Variants in ACOX1 observed in about 807,000 individuals in gnomAD.
ACOX1 encodes peroxisomal acyl-coenzyme A oxidase 1.
In ACOX1, 41 loss-of-function variants were observed where a neutral mutation model predicts 75.5. That is an observed-to-expected ratio of 0.54 (90% CI 0.42 to 0.70). ACOX1 has a LOEUF of 0.70. ACOX1 is among the 30% of genes least tolerant of loss of function. The pLI is 0.00. For synonymous variants in ACOX1, 303 were observed against 298.8 expected, an observed-to-expected ratio of 1.01 and a Z score of -0.15; for missense variants, 630 against 837.5, an observed-to-expected ratio of 0.75 and a Z score of 3.06.
chr17:75,961,203 G>A (rs1242469726), intron 2 of ACOX1, among the ~76,000 whole-genome samples: 1 of 146,436 alleles, frequency 6.8e-6, no homozygotes, highest in Non-Finnish European at 1.5e-5. Flanking sequence ...TGAGGCAGGA[G>A]AATTGCTCCA....
intron 2 of ACOX1, among the ~76,000 whole-genome samples, chr17:75,976,518 T>G (rs1456315178): frequency 6.6e-6 from 1 of 152,144 alleles, no homozygotes; most frequent in African/African-American, 2.4e-5. Context: ...TAACATAATC[T>G]TCTAGGAGGA....
In ACOX1 at chr17:75,946,466, G is replaced by A; in HGVS notation, c.*282C>T. On this transcript the variant is annotated 3_prime_UTR_variant, in exon 14 of 14. Transcript: ENST00000293217. Reference sequence around the variant, plus strand: ...AGTTAAATTCTGCTAATTATCAAAAGTCATAGTCTACTGGGATCAGCAGCA... The same window carrying A: ...AGTTAAATTCTGCTAATTATCAAAAATCATAGTCTACTGGGATCAGCAGCA... 9.5e-6 allele frequency: 4 copies of A among 421,746 alleles called. No homozygotes were observed. Among genetic ancestry groups the A allele is most frequent in the South Asian group, 8.8e-5 (4 of 45,686 alleles). 26.1% of individuals were successfully genotyped at this position (421,746 alleles called of 1,614,324 possible).
At chr17:75,961,687 G>A (rs1234712500) in intron 2 of ACOX1, among the ~76,000 whole-genome samples, 1 of 148,886 alleles carries the variant, frequency 6.7e-6, no homozygotes, top group East Asian at 2.0e-4. Context: ...GAGAACCTGG[G>A]AGGCGGTGGT....
At chr17:75,949,415 T>C in intron 11 of ACOX1, 55 bp from the exon 12 acceptor site, 2 of 1,612,610 alleles carry the variant, frequency 1.2e-6, no homozygotes, top group Non-Finnish European at 8.5e-7. Flanking sequence ...AGATTCAATA[T>C]ACAGTGACTA....
At chr17:75,972,145 C>T (rs901314229) in intron 2 of ACOX1, among the ~76,000 whole-genome samples, 8 of 151,934 alleles carry the variant, frequency 5.3e-5, no homozygotes, top group African/African-American at 1.7e-4. Context: ...CTGGCTTACA[C>T]GGTGAAACCC....
intron 2 of ACOX1, among the ~76,000 whole-genome samples, chr17:75,975,036 C>T (rs71382190): frequency 1.7e-3 from 177 of 106,610 alleles, no homozygotes; most frequent in Non-Finnish European, 1.7e-3. Flanking sequence ...GGCGACAGAG[C>T]GAGACTCTGT....
intron 2 of ACOX1, among the ~76,000 whole-genome samples, chr17:75,975,050 C>CAAAAAAAA (rs1022347068): frequency 9.5e-4 from 38 of 40,002 alleles, no homozygotes; most frequent in Middle Eastern, 0.014. Context: ...ACTCTGTCTC[C>CAAAAAAAA]AAAAAAAAAA....
intron 2 of ACOX1, among the ~76,000 whole-genome samples, chr17:75,975,476 C>T (rs2076838780): frequency 6.6e-6 from 1 of 152,190 alleles, no homozygotes; most frequent in Non-Finnish European, 1.5e-5. Context: ...TCTTTTCTAT[C>T]TTACATAAAT....
chr17:75,951,007 G>T, intron 8 of ACOX1, 43 bp from the exon 9 acceptor site: 1 of 1,594,374 alleles, frequency 6.3e-7, no homozygotes, highest in South Asian at 1.1e-5. Flanking sequence ...CTGTGGTGCT[G>T]AGAGCCCGAG....
chr17:75,962,038 G>C (rs1305874598), intron 2 of ACOX1, among the ~76,000 whole-genome samples: 1 of 151,776 alleles, frequency 6.6e-6, no homozygotes, highest in East Asian at 1.9e-4. Context: ...TTTTTTTTCT[G>C]TTTTGTCCAC....
intron 9 of ACOX1, 82 bp from the exon 10 acceptor site, chr17:75,949,979 A>G: frequency 2.0e-6 from 3 of 1,502,676 alleles, no homozygotes; most frequent in Non-Finnish European, 2.7e-6. Flanking sequence ...CTTGTTGCCT[A>G]GGCTGGATGG....
intron 2 of ACOX1, among the ~76,000 whole-genome samples, chr17:75,968,252 C>A (rs1397168430): frequency 6.1e-5 from 9 of 147,178 alleles, no homozygotes. Flanking sequence ...CTGGCTAAAA[C>A]GGTGAAACCC....
intron 3 of ACOX1, among the ~76,000 whole-genome samples, chr17:75,958,683 C>T (rs544616045): frequency 6.6e-6 from 1 of 151,932 alleles, no homozygotes; most frequent in Non-Finnish European, 1.5e-5. Flanking sequence ...TGGTGGGTGC[C>T]TGTAGTCCCA....
At chr17:75,967,733 TAC>T (rs374740431) in intron 2 of ACOX1, among the ~76,000 whole-genome samples, 1 of 139,840 alleles carries the variant, frequency 7.2e-6, no homozygotes, top group African/African-American at 2.6e-5. Flanking sequence ...TATATATATA[TAC>T]ACGTATATAT....
At chr17:75,971,426 C>T (rs967847728) in intron 2 of ACOX1, among the ~76,000 whole-genome samples, 1 of 151,960 alleles carries the variant, frequency 6.6e-6, no homozygotes, top group African/African-American at 2.4e-5. Context: ...TTCAAGTCTT[C>T]CTTTCTTCCT....
In ACOX1 at chr17:75,943,223, A is replaced by G. The variant is rs2144218552; in HGVS notation, c.*3525T>C. The G allele has an allele frequency of 6.6e-6, 1 of 151,972 alleles. No homozygotes were observed. Among genetic ancestry groups the G allele is most frequent in the African/African-American group, 2.4e-5 (1 of 41,382 alleles). 9.4% of individuals were successfully genotyped at this position (151,972 alleles called of 1,614,324 possible). A position where few individuals can be genotyped will look rare whatever the true frequency, so the allele number is the denominator to read the frequency against. ...GCCTGGGAGACTCCATCTCAAAAAA[A>G]AAAAAAAAAAAATTAACATGTTGGC... is the stretch of plus-strand genomic sequence containing the variant. On this transcript the variant is annotated 3_prime_UTR_variant, in exon 14 of 14. Transcript: ENST00000293217.
At chr17:75,947,281 CTT>C (rs1280296200) in intron 13 of ACOX1, among the ~76,000 whole-genome samples, 1 of 143,298 alleles carries the variant, frequency 7.0e-6, no homozygotes, top group Admixed American at 6.9e-5. Context: ...GAGCCTCGCT[CTT>C]GTTGCCCAGG....
In ACOX1 at chr17:75,946,249, TC is replaced by T. The variant is rs2065719246; in HGVS notation, c.*498del. Reference sequence around the variant, plus strand: ...GCAGAAACTCATTCGCATCAAGTTTTCCAATAAGTTTCCTTCCCCCAGTCCC... The same window carrying T: ...GCAGAAACTCATTCGCATCAAGTTTTCAATAAGTTTCCTTCCCCCAGTCCC... On this transcript the variant is annotated 3_prime_UTR_variant, in exon 14 of 14. Transcript: ENST00000293217. 5.5e-6 allele frequency: 1 copy of T among 182,056 alleles called. No individual in the cohort carries two copies. Among genetic ancestry groups the T allele is most frequent in the Admixed American group, 5.5e-5 (1 of 18,322 alleles). 11.3% of individuals were successfully genotyped at this position (182,056 alleles called of 1,614,324 possible). A position where few individuals can be genotyped will look rare whatever the true frequency, so the allele number is the denominator to read the frequency against.
Position 75,950,902 on chromosome 17 carries a change from T to G in ACOX1, c.1170A>C (p.Glu390Asp). The change falls in exon 9 of 14, where the codon GAA becomes GAC. Residue 390 changes from glutamate (E) to aspartate (D), a missense_variant. By Grantham distance (45) the Glu-to-Asp change is conservative. This residue lies in a region of ACOX1 where 390 missense variants were observed against 574.9 expected (regional missense o/e 0.68). Coordinates refer to ENST00000293217, the MANE Select transcript of ACOX1 (RefSeq NM_004035.7). The surrounding 1 kb of genome is among the most constrained non-coding windows in gnomAD (Gnocchi z 4.3). ...FTSWTANTGI[E>D]ACRMACGGHG... The stretch of plus-strand genomic sequence containing the variant: ...GCCCACCACAAGCCATCCGACATGC[T>G]TCAATGCCAGTGTTTGCAGTCCAGG... The G allele has an allele frequency of 6.2e-7, 1 of 1,614,154 alleles. No homozygotes were observed. Among genetic ancestry groups the G allele is most frequent in the African/African-American group, 1.3e-5 (1 of 75,032 alleles).
Sources: gnomAD v4.1 joint callset for allele counts (sites outside exome capture counted in the v4.1 genomes callset) on GRCh38, gnomAD v4.1.1 for gene constraint, gnomAD v4.1.1 regional missense constraint, Gnocchi (gnomAD v3.1) non-coding constraint, MANE v1.5 for transcripts, NCBI Gene and HGNC (gene_info 2026-07-23, HGNC 2026-07-21) for gene names.